PAX2: variants seen among roughly 807,000 people sequenced by gnomAD.
The protein encoded by PAX2 is paired box 2, also known as paired box protein Pax-2.
Under a neutral mutation model 41.7 loss-of-function variants are expected in PAX2, and 9 were observed. The observed-to-expected ratio is 0.22, with a 90% CI of 0.13 to 0.38. The LOEUF is 0.38. Ranked by LOEUF, PAX2 falls within the 10% of genes least tolerant of loss-of-function variation. The probability of loss-of-function intolerance (pLI) is 1.00; values close to 1 mark genes in which losing one functional copy is unlikely to be tolerated. For missense variants in PAX2, 418 were observed against 531.6 expected (o/e 0.79, Z 2.10); for synonymous variants, 221 against 212.7 (o/e 1.04, Z -0.34).
At chr10:100,812,436 G>A (rs984641258) in intron 7 of PAX2, among the ~76,000 whole-genome samples, 2 of 152,268 alleles carry the variant, frequency 1.3e-5, no homozygotes, top group African/African-American at 2.4e-5. Flanking sequence ...AATGGGTCAC[G>A]GGCATTCTGG....
intron 5 of PAX2, among the ~76,000 whole-genome samples, chr10:100,784,129 C>A (rs978354505): frequency 6.6e-6 from 1 of 152,146 alleles, no homozygotes; most frequent in African/African-American, 2.4e-5. Context: ...AGGAGCCAGG[C>A]CCAGTTTGCA....
chr10:100,735,684 A>C (rs1374424696), exon 1 of PAX2: 1 of 1,055,584 alleles, frequency 9.5e-7, no homozygotes, highest in Non-Finnish European at 1.1e-6. Context: ...CAGCCCCAGG[A>C]CGCGGCGGCC....
intron 3 of PAX2, among the ~76,000 whole-genome samples, chr10:100,763,060 A>G (rs1335538889): frequency 6.6e-6 from 1 of 152,218 alleles, no homozygotes; most frequent in African/African-American, 2.4e-5. Context: ...TGGATCTCCA[A>G]GGTAGCAACC....
At position 100,806,450 on chromosome 10, in the gene PAX2, C is replaced by T. The variant is rs768152246; in HGVS notation, c.637C>T (p.Pro213Ser). 6.2e-7 allele frequency: 1 copy of T among 1,614,212 alleles called. No individual in the cohort carries two copies. ...RDEDVSEGSV[P>S]NGDSQSGVDS... The stretch of plus-strand genomic sequence containing the variant: ...TCCAGATGTGTCTGAGGGCTCAGTC[C>T]CCAATGGAGATTCCCAGAGTGGTGT... The change falls in exon 6 of 10, where the codon CCC becomes TCC. Residue 213 changes from proline to serine, a missense_variant. By Grantham distance (74) the Pro-to-Ser change is moderately conservative. Transcript: ENST00000355243.
chr10:100,828,419 G>C lies in PAX2; in HGVS notation c.*800G>C, dbSNP rs1481089486. The C allele has an allele frequency of 4.3e-6, 1 of 234,078 alleles. No individual in the cohort carries two copies. The highest frequency in any genetic ancestry group is 6.0e-5 in the East Asian group (1 of 16,638). 14.5% of individuals were successfully genotyped at this position (234,078 alleles called of 1,614,324 possible). On this transcript the variant is annotated 3_prime_UTR_variant, in exon 10 of 10. Transcript: ENST00000355243. This position sits in a 1 kb window ranked among gnomAD's most constrained non-coding sequence, Gnocchi z 6.5. The stretch of plus-strand genomic sequence containing the variant: ...CCGGCACCTCCTGCTGCGAGACCCG[G>C]CTCTCAGCCCTGCCTTGCCCCTACC...
intron 1 of PAX2, among the ~76,000 whole-genome samples, chr10:100,737,154 C>G (rs1844800192): frequency 6.6e-6 from 1 of 152,242 alleles, no homozygotes; most frequent in Non-Finnish European, 1.5e-5. Flanking sequence ...TCCCTCCGGG[C>G]AGGCGCTCTG....
rs1370051781 is a variant in PAX2, at chr10:100,826,425, G to A, written c.1022-584G>A. 6.6e-6 allele frequency among the ~76,000 whole-genome samples: 1 copy of A among 152,212 alleles called. No individual in the cohort carries two copies. Among genetic ancestry groups the A allele is most frequent in the Non-Finnish European group, 1.5e-5 (1 of 68,034 alleles). The stretch of plus-strand genomic sequence containing the variant: ...CTCACCGCTAGCGGACCAGCGGGCA[G>A]TCCACCTGCGCCGCCTCCATCCCCT... On this transcript the variant is annotated intron_variant, in intron 8 of 9. Transcript: ENST00000355243. The surrounding 1 kb of genome is among the most constrained non-coding windows in gnomAD (Gnocchi z 5.5).
At chr10:100,739,227 T>C (rs1276964061) in intron 1 of PAX2, among the ~76,000 whole-genome samples, 1 of 152,094 alleles carries the variant, frequency 6.6e-6, no homozygotes, top group East Asian at 1.9e-4. Flanking sequence ...TCTCTCCTTG[T>C]TTCAGCCAGC....
At chr10:100,809,598 G>C (rs1216778344) in intron 7 of PAX2, among the ~76,000 whole-genome samples, 4 of 152,242 alleles carry the variant, frequency 2.6e-5, no homozygotes, top group Admixed American at 2.6e-4. Flanking sequence ...GCTGGTGAGA[G>C]TGGAGCATGG....
intron 5 of PAX2, among the ~76,000 whole-genome samples, chr10:100,781,812 C>A (rs1319631927): frequency 6.6e-6 from 1 of 152,168 alleles, no homozygotes; most frequent in Admixed American, 6.5e-5. Context: ...TGCACACCGC[C>A]CCCAGTTCAA....
At position 100,745,905 on chromosome 10, in the gene PAX2, A is replaced by T; in HGVS notation, c.-356A>T. ...GGATGACCAGGTTCCAGGGGAGCTG[A>T]GCGAGTCGCCTCCCCCGCCCAGCTT... On this transcript the variant is annotated 5_prime_UTR_variant, in exon 1 of 10. An upstream open reading frame in the 5' UTR loses its in-frame stop. Coordinates refer to ENST00000355243, the MANE Select transcript of PAX2 (RefSeq NM_000278.5). 1 of 1,174,098 alleles carries T rather than the reference A, an allele frequency of 8.5e-7. No homozygotes were observed. The highest frequency in any genetic ancestry group is 1.1e-6 in the Non-Finnish European group (1 of 950,584). The allele number at this position is 1,174,098 out of a possible 1,614,324, so 72.7% of individuals were successfully genotyped here.
chr10:100,738,189 C>T (rs537574546), intron 1 of PAX2, among the ~76,000 whole-genome samples: 1 of 152,348 alleles, frequency 6.6e-6, no homozygotes, highest in East Asian at 1.9e-4. Flanking sequence ...GACTTCTCCT[C>T]TCCCTCTCCC....
intron 6 of PAX2, 49 bp downstream of exon 6, chr10:100,806,654 CA>C: frequency 6.5e-7 from 1 of 1,546,958 alleles, no homozygotes. Flanking sequence ...GCCGGCAGAG[CA>C]AGGCCTCTCA....
At chr10:100,787,653 A>T (rs1162700179) in intron 5 of PAX2, among the ~76,000 whole-genome samples, 1 of 152,042 alleles carries the variant, frequency 6.6e-6, no homozygotes, top group Non-Finnish European at 1.5e-5. Context: ...GCCTCACTTT[A>T]ACTTCAGGGT....
At chr10:100,769,677 T>A (rs11190694) in intron 3 of PAX2, among the ~76,000 whole-genome samples, 49 of 135,564 alleles carry the variant, frequency 3.6e-4, no homozygotes, top group Non-Finnish European at 5.0e-4. Context: ...AATAAAAAAA[T>A]AAAAAACAAA....
Position 100,827,111 on chromosome 10 carries a change from G to C in PAX2, c.1108+16G>C, listed in dbSNP as rs766547055. The C allele has an allele frequency of 1.6e-5, 25 of 1,600,330 alleles. No individual in the cohort carries two copies. Among genetic ancestry groups the C allele is most frequent in the Non-Finnish European group, 2.1e-5 (24 of 1,167,884 alleles). On this transcript the variant is annotated intron_variant, in intron 9 of 9. Transcript: ENST00000355243. This position sits in a 1 kb window ranked among gnomAD's most constrained non-coding sequence, Gnocchi z 8.5. ...GCCTTACTAAGTGAGTACGCCACCTGGCTGGCCGGCGGCTCAGCGCGGCCG... is the reference window on the plus strand; with the variant it reads ...GCCTTACTAAGTGAGTACGCCACCTCGCTGGCCGGCGGCTCAGCGCGGCCG...
chr10:100,755,623 C>T (rs940364895), intron 3 of PAX2, among the ~76,000 whole-genome samples: 4 of 152,238 alleles, frequency 2.6e-5, no homozygotes, highest in African/African-American at 7.2e-5. Context: ...AAGGAGGCTG[C>T]GTGGAGGGTG....
chr10:100,754,051 C>A (rs1004584808), intron 3 of PAX2, among the ~76,000 whole-genome samples: 2 of 152,174 alleles, frequency 1.3e-5, no homozygotes, highest in African/African-American at 4.8e-5. Context: ...TACACCGCTG[C>A]TGTAAAGGGC....
Position 100,745,617 on chromosome 10 carries a change from C to A in PAX2, c.-644C>A. On this transcript the variant is annotated 5_prime_UTR_variant, in exon 1 of 10. Transcript: ENST00000355243. The stretch of plus-strand genomic sequence containing the variant: ...CGAGTCTTCTCGCAGCCGCAACCCA[C>A]CTGGGGCCAGCCCAGAGCTGCCAGC... 1 of 338,614 alleles carries A rather than the reference C, an allele frequency of 3.0e-6. No homozygotes were observed. Among genetic ancestry groups the A allele is most frequent in the Non-Finnish European group, 4.4e-6 (1 of 229,682 alleles). 21.0% of individuals were successfully genotyped at this position (338,614 alleles called of 1,614,324 possible).
Sources: allele counts gnomAD v4.1 joint callset (sites outside exome capture counted in the v4.1 genomes callset), GRCh38; gene constraint gnomAD v4.1.1; non-coding constraint Gnocchi (gnomAD v3.1); transcripts MANE v1.5; gene names NCBI Gene and HGNC (gene_info 2026-07-23, HGNC 2026-07-21).